Variants in HNF4G observed in about 807,000 individuals in gnomAD.
HNF4G encodes the protein hepatocyte nuclear factor 4-gamma.
In HNF4G, 21 loss-of-function variants were observed where a neutral mutation model predicts 50.9. The ratio of observed to expected loss-of-function variants is 0.41; its 90% CI spans 0.29 to 0.59. HNF4G has a LOEUF of 0.59. Ranked by LOEUF, HNF4G falls within the 20% of genes least tolerant of loss-of-function variation. The pLI is 0.26. For missense variants in HNF4G, 527 were observed against 559.4 expected (o/e 0.94, Z 0.58); for synonymous variants, 198 against 185.6 (o/e 1.07, Z -0.54).
At chr8:75,469,007 C>T (rs553904196) in intron 1 of HNF4G, among the ~76,000 whole-genome samples, 1 of 151,728 alleles carries the variant, frequency 6.6e-6, no homozygotes, top group African/African-American at 2.4e-5. Flanking sequence ...CTTTCAGTGG[C>T]TTATTGATAT....
intron 1 of HNF4G, among the ~76,000 whole-genome samples, chr8:75,418,421 A>G (rs992661841): frequency 6.6e-6 from 1 of 152,184 alleles, no homozygotes; most frequent in Non-Finnish European, 1.5e-5. Flanking sequence ...TGGATGTTTT[A>G]AATCTTCCTT....
intron 1 of HNF4G, among the ~76,000 whole-genome samples, chr8:75,444,924 C>A (rs1242528542): frequency 6.0e-4 from 81 of 135,502 alleles, no homozygotes; most frequent in African/African-American, 2.3e-3. Flanking sequence ...CTGCACCAAG[C>A]GGACCTAATA....
intron 2 of HNF4G, among the ~76,000 whole-genome samples, chr8:75,517,975 C>A (rs982660367): frequency 8.1e-6 from 1 of 122,872 alleles, no homozygotes; most frequent in African/African-American, 3.4e-5. Flanking sequence ...TTCTAAACCT[C>A]AATTCTTTTT....
intron 6 of HNF4G, among the ~76,000 whole-genome samples, chr8:75,557,762 C>T (rs545871011): frequency 6.6e-6 from 1 of 152,226 alleles, no homozygotes; most frequent in South Asian, 2.1e-4. Flanking sequence ...TCTTTGCCTG[C>T]AGTGAAAGAA....
intron 1 of HNF4G, among the ~76,000 whole-genome samples, chr8:75,481,131 ATTTTATCCATTAGCTTCAT>A (rs1812367856): frequency 1.3e-5 from 2 of 152,160 alleles, no homozygotes; most frequent in Non-Finnish European, 2.9e-5. Flanking sequence ...CTGACTTTGT[ATTTTATCCATTAGCTTCAT>A]GCTTGGAATT....
intron 1 of HNF4G, among the ~76,000 whole-genome samples, chr8:75,482,621 G>A (rs1812406828): frequency 6.6e-6 from 1 of 152,132 alleles, no homozygotes; most frequent in Non-Finnish European, 1.5e-5. Context: ...GCCTGCCTTG[G>A]CCTCCCAAAG....
chr8:75,500,242 T>C (rs1812891983), intron 2 of HNF4G, among the ~76,000 whole-genome samples: 1 of 152,112 alleles, frequency 6.6e-6, no homozygotes, highest in Non-Finnish European at 1.5e-5. Flanking sequence ...AAAGACGATA[T>C]ATAAACGAAC....
chr8:75,450,517 T>C (rs1002035164), intron 1 of HNF4G, among the ~76,000 whole-genome samples: 11 of 152,206 alleles, frequency 7.2e-5, no homozygotes, highest in Admixed American at 7.2e-4. Flanking sequence ...CTCCATACTG[T>C]TTTACCTAAT....
chr8:75,524,266 A>G (rs542223550), intron 2 of HNF4G, among the ~76,000 whole-genome samples: 1 of 152,300 alleles, frequency 6.6e-6, no homozygotes, highest in South Asian at 2.1e-4. Flanking sequence ...AGATATATGA[A>G]TAACTACGCA....
intron 1 of HNF4G, among the ~76,000 whole-genome samples, chr8:75,425,238 T>C (rs1252256220): frequency 6.6e-6 from 1 of 151,842 alleles, no homozygotes; most frequent in Non-Finnish European, 1.5e-5. Context: ...GCACCTGCCA[T>C]CATGCCTGGC....
intron 1 of HNF4G, among the ~76,000 whole-genome samples, chr8:75,453,074 A>G (rs766178693): frequency 1.3e-5 from 2 of 152,174 alleles, no homozygotes; most frequent in Non-Finnish European, 2.9e-5. Flanking sequence ...TTAGTTTCCT[A>G]TTTTCTGTGA....
At chr8:75,431,175 A>T (rs1386259934) in intron 1 of HNF4G, among the ~76,000 whole-genome samples, 1 of 152,160 alleles carries the variant, frequency 6.6e-6, no homozygotes, top group African/African-American at 2.4e-5. Context: ...TAGAGCAAGG[A>T]GACAGAGCTG....
intron 1 of HNF4G, among the ~76,000 whole-genome samples, chr8:75,467,810 A>G (rs899744139): frequency 1.3e-5 from 2 of 152,082 alleles, no homozygotes; most frequent in Non-Finnish European, 1.5e-5. Context: ...CTCTAATCAG[A>G]TCTACCTCTG....
intron 1 of HNF4G, among the ~76,000 whole-genome samples, chr8:75,447,728 A>G (rs1344935406): frequency 6.7e-6 from 1 of 150,132 alleles, no homozygotes; most frequent in Non-Finnish European, 1.5e-5. Flanking sequence ...CAAAACCACT[A>G]TGAGATATCA....
At chr8:75,438,282 C>T (rs1188320763) in intron 1 of HNF4G, among the ~76,000 whole-genome samples, 1 of 152,198 alleles carries the variant, frequency 6.6e-6, no homozygotes, top group Non-Finnish European at 1.5e-5. Context: ...CTATTTGTCT[C>T]TTCTTATACA....
chr8:75,469,038 G>T (rs1314942065), intron 1 of HNF4G, among the ~76,000 whole-genome samples: 1 of 152,144 alleles, frequency 6.6e-6, no homozygotes, highest in East Asian at 1.9e-4. Flanking sequence ...TACTTAAAAG[G>T]CTGTAATAAT....
intron 2 of HNF4G, among the ~76,000 whole-genome samples, chr8:75,491,130 A>G (rs1473572967): frequency 6.6e-6 from 1 of 152,210 alleles, no homozygotes; most frequent in Admixed American, 6.5e-5. Flanking sequence ...GCCCTCATAA[A>G]CATCAACTTC....
rs1811148554 is a variant in HNF4G at position 75,436,637 on chromosome 8, G to A, written c.-144+28475G>A. Among the ~76,000 whole-genome samples, 3 of 152,070 alleles carry A rather than the reference G, an allele frequency of 2.0e-5. No homozygotes were observed. In the South Asian group the frequency reaches 6.2e-4, roughly 32 times the overall value. On this transcript the variant is annotated intron_variant, in intron 1 of 10. Coordinates refer to the HNF4G transcript ENST00000354370. Reference sequence around the variant, plus strand: ...AATTCAATTCCAATTGGCTTAATAGGTGAAATTTCAAAGGGACATAAGAGA... The same window carrying A: ...AATTCAATTCCAATTGGCTTAATAGATGAAATTTCAAAGGGACATAAGAGA...
At chr8:75,419,021 C>G (rs1274049234) in intron 1 of HNF4G, among the ~76,000 whole-genome samples, 8 of 152,196 alleles carry the variant, frequency 5.3e-5, no homozygotes, top group African/African-American at 1.9e-4. Flanking sequence ...GCCACTGCAC[C>G]TGCCTGTGAT....
Sources: allele counts gnomAD v4.1 joint callset (sites outside exome capture counted in the v4.1 genomes callset), GRCh38; gene constraint gnomAD v4.1.1; transcripts MANE v1.5; gene names NCBI Gene and HGNC (gene_info 2026-07-23, HGNC 2026-07-21).